Variants in GGA2 observed in about 807,000 individuals in gnomAD.
The protein encoded by GGA2 is golgi associated, gamma adaptin ear containing, ARF binding protein 2, also known as ADP-ribosylation factor-binding protein GGA2.
GGA2 carries 48 observed loss-of-function variants against 79.5 expected under a neutral mutation model. The observed-to-expected ratio is 0.60, with a 90% CI of 0.48 to 0.77. The LOEUF (loss-of-function observed/expected upper bound fraction) is 0.77, where lower values mean the gene tolerates loss of function less well. Ranked by LOEUF, GGA2 falls within the 30% of genes least tolerant of loss-of-function variation. The pLI, the probability that GGA2 is intolerant of heterozygous loss-of-function variation, is 0.00. For synonymous variants in GGA2, 317 were observed against 302.0 expected (o/e 1.05, Z -0.51); for missense variants, 770 against 774.0 (o/e 0.99, Z 0.06).
In GGA2 at chr16:23,467,417, C is replaced by T; in HGVS notation, c.*173G>A. On this transcript the variant is annotated 3_prime_UTR_variant, in exon 17 of 17. Transcript: ENST00000309859. ...ACACACACACACACACACACACACA[C>T]ACACACACACACACACAGAGCATCT... 1.7e-6 allele frequency: 1 copy of T among 603,280 alleles called. No individual in the cohort carries two copies. Among genetic ancestry groups the T allele is most frequent in the Non-Finnish European group, 3.0e-6 (1 of 333,246 alleles). The allele number at this position is 603,280 out of a possible 1,614,324, so 37.4% of individuals were successfully genotyped here. A position where few individuals can be genotyped will look rare whatever the true frequency, so the allele number is the denominator to read the frequency against.
intron 1 of GGA2, among the ~76,000 whole-genome samples, chr16:23,505,151 G>T (rs1964960974): frequency 6.6e-6 from 1 of 152,164 alleles, no homozygotes; most frequent in Non-Finnish European, 1.5e-5. Flanking sequence ...CAAGAGTCCG[G>T]CAATCATACA....
At chr16:23,493,262 T>C in intron 4 of GGA2, 98 bp downstream of exon 4, 1 of 758,914 alleles carries the variant, frequency 1.3e-6, no homozygotes, top group Non-Finnish European at 2.4e-6. Context: ...GCAGGTTTTG[T>C]CCATGCGTGG....
chr16:23,516,338 C>G (rs1323840352), intron 2 of GGA2, among the ~76,000 whole-genome samples: 1 of 152,030 alleles, frequency 6.6e-6, no homozygotes, highest in Non-Finnish European at 1.5e-5. Context: ...TTTGGTGAGG[C>G]ACTATCTAAT....
intron 7 of GGA2, 36 bp from the exon 8 acceptor site, chr16:23,486,188 C>G: frequency 6.2e-7 from 1 of 1,605,914 alleles, no homozygotes; most frequent in Non-Finnish European, 8.5e-7. Flanking sequence ...AGTGAGGGAG[C>G]AGAAACCCTG....
chr16:23,499,332 G>A (rs1017069154), intron 1 of GGA2, among the ~76,000 whole-genome samples: 78 of 152,014 alleles, frequency 5.1e-4, no homozygotes, highest in African/African-American at 1.9e-3. Context: ...TTTCAGTAGA[G>A]ATGGGGTTTC....
Position 23,467,697 on chromosome 16 carries a change from G to GTTCCTGGGA in GGA2, c.1732-6_1734dup (p.Glu578_Pro579insSerGlnGlu), listed in dbSNP as rs1964459273. 1 of 1,536,538 alleles carries GTTCCTGGGA rather than the reference G, an allele frequency of 6.5e-7. No individual in the cohort carries two copies. Among genetic ancestry groups the GTTCCTGGGA allele is most frequent in the African/African-American group, 1.4e-5 (1 of 73,432 alleles). ...GTCAGCTTGTACCGTAAGCGGATAG[G>GTTCCTGGGA]TTCCTGGGACAGAAGAGACAGAAGA... On this transcript the variant is annotated inframe_insertion, in exon 17 of 17. Coordinates refer to ENST00000309859, the MANE Select transcript of GGA2 (RefSeq NM_015044.4).
intron 13 of GGA2, 105 bp downstream of exon 13, chr16:23,478,263 A>G (rs1202173222): frequency 1.7e-5 from 12 of 710,436 alleles, no homozygotes; most frequent in Non-Finnish European, 2.6e-5. Flanking sequence ...ATGTTTCTCC[A>G]GGGCGAGAGG....
chr16:23,497,522 T>C (rs1964871505), intron 1 of GGA2, among the ~76,000 whole-genome samples: 1 of 152,202 alleles, frequency 6.6e-6, no homozygotes, highest in Non-Finnish European at 1.5e-5. Flanking sequence ...TCCTGCCCAC[T>C]GACTCCATTC....
At chr16:23,492,314 G>GACCGGTGCCCCCACATCCCCCC (rs1964798691) in intron 4 of GGA2, among the ~76,000 whole-genome samples, 1 of 152,140 alleles carries the variant, frequency 6.6e-6, no homozygotes, top group African/African-American at 2.4e-5. Context: ...CCCATCCCCT[G>GACCGGTGCCCCCACATCCCCCC]ACCGGTGCCC....
rs1241762233 is a variant in GGA2, at chr16:23,467,562, T to G, written c.*28A>C. 5 of 1,116,452 alleles carry G rather than the reference T, an allele frequency of 4.5e-6. No homozygotes were observed. Among genetic ancestry groups the G allele is most frequent in the Non-Finnish European group, 6.9e-6 (5 of 729,438 alleles). The allele number at this position is 1,116,452 out of a possible 1,614,324, so 69.2% of individuals were successfully genotyped here. A position where few individuals can be genotyped will look rare whatever the true frequency, so the allele number is the denominator to read the frequency against. On this transcript the variant is annotated 3_prime_UTR_variant, in exon 17 of 17. Coordinates refer to ENST00000309859, the MANE Select transcript of GGA2 (RefSeq NM_015044.4). Reference sequence around the variant, plus strand: ...AGCAAAAGTAACGCCAGCCTAAGCTTGAAATGAAGGGTCCATCTTGTGAAA... The same window carrying G: ...AGCAAAAGTAACGCCAGCCTAAGCTGGAAATGAAGGGTCCATCTTGTGAAA...
At chr16:23,486,910 C>T in intron 6 of GGA2, 120 bp from the exon 7 acceptor site, 5 of 741,118 alleles carry the variant, frequency 6.7e-6, no homozygotes, top group South Asian at 4.2e-5. Flanking sequence ...TGCACCATCT[C>T]ACCAAATGGT....
intron 1 of GGA2, among the ~76,000 whole-genome samples, chr16:23,505,067 C>G (rs1964959200): frequency 6.6e-6 from 1 of 152,246 alleles, no homozygotes; most frequent in South Asian, 2.1e-4. Context: ...GTGGTCACCC[C>G]GAGGAGCAGA....
At chr16:23,481,477 A>G (rs1964647562) in intron 9 of GGA2, among the ~76,000 whole-genome samples, 1 of 152,198 alleles carries the variant, frequency 6.6e-6, no homozygotes, top group African/African-American at 2.4e-5. Flanking sequence ...GCCTATTTTC[A>G]TGCAAGGAAA....
At chr16:23,485,380 C>G (rs1249191451) in intron 8 of GGA2, among the ~76,000 whole-genome samples, 1 of 152,146 alleles carries the variant, frequency 6.6e-6, no homozygotes, top group Non-Finnish European at 1.5e-5. Context: ...ACCAAGATCT[C>G]AAGATGTGGA....
chr16:23,482,926 G>A lies in GGA2; in HGVS notation c.877C>T (p.Leu293Phe). The change falls in exon 9 of 17, where the codon CTC becomes TTC. Residue 293 changes from leucine to phenylalanine, a missense_variant. Physicochemically the swap from Leu to Phe is conservative, Grantham distance 22. Coordinates refer to ENST00000309859, the MANE Select transcript of GGA2 (RefSeq NM_015044.4). The part of the protein sequence containing the change: ...ASDTTDDDDA[L>F]AEILQANDLL... ...CACCCAAGGAAAGAAAACTTACCGA[G>A]TGCATCATCGTCATCAGTGGTGTCA... The A allele has an allele frequency of 1.9e-6, 3 of 1,596,580 alleles. No homozygotes were observed. The highest frequency in any genetic ancestry group is 2.6e-6 in the Non-Finnish European group (3 of 1,164,000).
rs1964693562 is a variant in GGA2, at chr16:23,484,957, A to AT, written c.798+1057dup. 3.3e-5 allele frequency among the ~76,000 whole-genome samples: 5 copies of AT among 152,392 alleles called. No individual in the cohort carries two copies. The South Asian group carries it at 1.0e-3, about 32-fold the overall frequency. ...AATGAATAATTCAAAGGCATCATTC[A>AT]TAATAGCCAAAAAGTAGGAACAACC... On this transcript the variant is annotated intron_variant, in intron 8 of 16. Transcript: ENST00000309859.
intron 13 of GGA2, among the ~76,000 whole-genome samples, chr16:23,477,253 C>T (rs1440203768): frequency 2.0e-5 from 3 of 152,046 alleles, no homozygotes; most frequent in South Asian, 2.1e-4. Context: ...TGGCTGTGTC[C>T]CCACCCAAAT....
chr16:23,488,468 C>A, intron 6 of GGA2, 138 bp downstream of exon 6: 1 of 681,652 alleles, frequency 1.5e-6, no homozygotes, highest in Admixed American at 2.5e-5. Flanking sequence ...CTTCTGCTAC[C>A]TCACTCCTAA....
intron 1 of GGA2, among the ~76,000 whole-genome samples, chr16:23,499,058 T>C (rs190427842): frequency 1.3e-5 from 2 of 151,414 alleles, no homozygotes; most frequent in East Asian, 3.9e-4. Flanking sequence ...ACAGGAGGCA[T>C]GGCCCAAGCT....
Sources: allele counts gnomAD v4.1 joint callset (sites outside exome capture counted in the v4.1 genomes callset), GRCh38; gene constraint gnomAD v4.1.1; transcripts MANE v1.5; gene names NCBI Gene and HGNC (gene_info 2026-07-23, HGNC 2026-07-21).